The following TRMT13 variants were observed in gnomAD, a reference collection of about 807,000 sequenced individuals.
TRMT13 encodes tRNA:m(4)X modification enzyme TRM13 homolog.
A neutral mutation model predicts 55.9 loss-of-function variants in TRMT13; 45 were observed. The ratio of observed to expected loss-of-function variants is 0.80; its 90% confidence interval spans 0.63 to 1.03. The LOEUF is 1.03. Ranked by LOEUF, TRMT13 falls within the 50% of genes least tolerant of loss-of-function variation. The pLI, the probability that TRMT13 is intolerant of heterozygous loss-of-function variation, is 0.00. For synonymous variants in TRMT13, 183 were observed against 196.3 expected, an observed-to-expected ratio of 0.93 and a Z score of 0.57; for missense variants, 513 against 563.9, an observed-to-expected ratio of 0.91 and a Z score of 0.91.
chr1:100,138,462 A>C (rs1340731428), intron 3 of TRMT13, among the ~76,000 whole-genome samples: 1 of 152,178 alleles, frequency 6.6e-6, no homozygotes, highest in Non-Finnish European at 1.5e-5. Context: ...TTCCTGCAGT[A>C]AAACATTGTA....
chr1:100,140,719 A>G, intron 6 of TRMT13, 133 bp from the exon 7 acceptor site: 1 of 976,008 alleles, frequency 1.0e-6, no homozygotes, highest in Non-Finnish European at 1.5e-6. Context: ...TAAAGGCAAG[A>G]GAGAAAAATT....
chr1:100,140,057 C>G (rs904639723), intron 4 of TRMT13, 125 bp from the exon 5 acceptor site: 24 of 649,132 alleles, frequency 3.7e-5, no homozygotes, highest in Admixed American at 6.2e-5. Context: ...AGGGAAAAGG[C>G]TTGATAGAGA....
At chr1:100,147,643 C>T (rs1437746010) in intron 9 of TRMT13, among the ~76,000 whole-genome samples, 1 of 152,122 alleles carries the variant, frequency 6.6e-6, no homozygotes. Context: ...AATTGTAGAT[C>T]TTAAGCTTCA....
intron 9 of TRMT13, chr1:100,144,567 CAA>C (rs199980985): frequency 1.4e-5 from 2 of 139,370 alleles, no homozygotes; most frequent in Admixed American, 7.2e-5. Context: ...AAATGTTAGA[CAA>C]AAAAAAAAAA....
rs148398212 is a variant in TRMT13, at chr1:100,140,888, C to A, written c.538C>A (p.Leu180Ile). The A allele has an allele frequency of 5.0e-4, 811 of 1,613,262 alleles. 9 individuals are homozygous for A. Among genetic ancestry groups the A allele is most frequent in the Non-Finnish European group, 1.0e-4 (120 of 1,179,666 alleles). The change falls in exon 7 of 11, where the codon CTT becomes ATT. Residue 180 changes from leucine to isoleucine, a missense_variant. By Grantham distance (5) the Leu-to-Ile change is conservative. Around this residue, in one of 3 missense-constraint regions of TRMT13, gnomAD observed 298 missense variants for 290.3 expected, o/e 1.03. Transcript: ENST00000370141. Reference sequence around the variant, plus strand: ...AGGTAACATTGAAAATTTAAAGTTACTTGGTCCAAGAAGATGCTTTGTTGA... The same window carrying A: ...AGGTAACATTGAAAATTTAAAGTTAATTGGTCCAAGAAGATGCTTTGTTGA... Reference protein sequence around the residue: ...ILGNIENLKLLGPRRCFVEFG... With the variant: ...ILGNIENLKLIGPRRCFVEFG...
chr1:100,144,494 CT>C (rs1188153401), intron 9 of TRMT13: 1 of 157,854 alleles, frequency 6.3e-6, no homozygotes, highest in Non-Finnish European at 1.4e-5. Context: ...TTAGAAAGAA[CT>C]CAGAAACCTC....
chr1:100,148,788 A>G lies in TRMT13; in HGVS notation c.1414A>G (p.Asn472Asp), dbSNP rs1289109629. ...AAATGTTTTGTTAACTGCTTTACCAAATCATTCTTCATCACCAGAAACAAC... is the reference window on the plus strand; with the variant it reads ...AAATGTTTTGTTAACTGCTTTACCAGATCATTCTTCATCACCAGAAACAAC... ...LENVLLTALP[N>D]HSSSPETTA Residue 472 changes from asparagine to aspartate, a missense_variant, in exon 11 of 11, where the codon AAT becomes GAT. Transcript: ENST00000370141. The G allele has an allele frequency of 1.0e-5, 16 of 1,526,376 alleles. No homozygotes were observed. Among genetic ancestry groups the G allele is most frequent in the Non-Finnish European group, 1.4e-5 (16 of 1,139,696 alleles). The allele number at this position is 1,526,376 out of a possible 1,614,324, so 94.6% of individuals were successfully genotyped here.
At chr1:100,147,749 ATAG>A in intron 9 of TRMT13, 142 bp from the exon 10 acceptor site, 2 of 673,522 alleles carry the variant, frequency 3.0e-6, no homozygotes, top group Non-Finnish European at 4.7e-6. Flanking sequence ...ATAATTCATG[ATAG>A]TATTATTACA....
chr1:100,145,119 G>T (rs1657075583), intron 9 of TRMT13, among the ~76,000 whole-genome samples: 1 of 152,146 alleles, frequency 6.6e-6, no homozygotes, highest in Admixed American at 6.6e-5. Flanking sequence ...GTAACATGCT[G>T]TACAGGTTTG....
At chr1:100,146,579 C>T (rs1332453884) in intron 9 of TRMT13, among the ~76,000 whole-genome samples, 1 of 152,022 alleles carries the variant, frequency 6.6e-6, no homozygotes, top group East Asian at 1.9e-4. Flanking sequence ...AATCTCGGCT[C>T]ACTGCAACCT....
chr1:100,141,502 T>A (rs559985534), intron 7 of TRMT13, among the ~76,000 whole-genome samples: 2 of 152,272 alleles, frequency 1.3e-5, no homozygotes, highest in South Asian at 2.1e-4. Context: ...GGTAATTTTT[T>A]AAAATTTTTT....
Position 100,140,889 on chromosome 1 carries a change from T to C in TRMT13, c.539T>C (p.Leu180Pro). 1 of 1,613,484 alleles carries C rather than the reference T, an allele frequency of 6.2e-7. No homozygotes were observed. The highest frequency in any genetic ancestry group is 8.5e-7 in the Non-Finnish European group (1 of 1,179,690). Residue 180 changes from leucine to proline, a missense_variant, in exon 7 of 11, where the codon CTT becomes CCT. By Grantham distance (98) the Leu-to-Pro change is moderately conservative. This residue lies in a region of TRMT13 where 298 missense variants were observed against 290.3 expected (regional missense o/e 1.03). Coordinates refer to ENST00000370141, the MANE Select transcript of TRMT13 (RefSeq NM_019083.3). ...ILGNIENLKL[L>P]GPRRCFVEFG... is the part of the protein sequence containing the mutation. ...GGTAACATTGAAAATTTAAAGTTACTTGGTCCAAGAAGATGCTTTGTTGAG... is the reference window on the plus strand; with the variant it reads ...GGTAACATTGAAAATTTAAAGTTACCTGGTCCAAGAAGATGCTTTGTTGAG...
chr1:100,147,858 A>G (rs1229841476), intron 9 of TRMT13, 36 bp from the exon 10 acceptor site: 2 of 1,528,704 alleles, frequency 1.3e-6, no homozygotes, highest in African/African-American at 2.8e-5. Context: ...TTTAAAGATG[A>G]TGTGGTTTGG....
Position 100,136,905 on chromosome 1 carries a change from C to T in TRMT13, c.171C>T (p.Ile57=), listed in dbSNP as rs1655944174. The change falls in exon 2 of 11, where the codon ATC becomes ATT. Residue 57 remains isoleucine (I), a synonymous_variant. Coordinates refer to ENST00000370141, the MANE Select transcript of TRMT13 (RefSeq NM_019083.3). ...AGGAAGAAGATGCTCGGAAAAGAAT[C>T]CTGTGTCCTTTAGATCCAAAACAGT... ...AAEEEDARKR[I]LCPLDPKHTV... 6.2e-7 allele frequency: 1 copy of T among 1,600,990 alleles called. No homozygotes were observed. The highest frequency in any genetic ancestry group is 1.3e-5 in the African/African-American group (1 of 74,108).
At chr1:100,138,114 G>A (rs1385718984) in intron 3 of TRMT13, among the ~76,000 whole-genome samples, 3 of 152,152 alleles carry the variant, frequency 2.0e-5, no homozygotes, top group Non-Finnish European at 4.4e-5. Context: ...GGAGAAAAGC[G>A]GTGGAATGAT....
At position 100,149,087 on chromosome 1, in the gene TRMT13, G is replaced by T; in HGVS notation, c.*267G>T. 6.2e-7 allele frequency: 1 copy of T among 1,601,648 alleles called. No individual in the cohort carries two copies. Among genetic ancestry groups the T allele is most frequent in the South Asian group, 1.1e-5 (1 of 88,210 alleles). ...AGATTGGTAAAGTAGTTGAACCGTT[G>T]ACTTGGTGATCTGAAACATACATAA... On this transcript the variant is annotated 3_prime_UTR_variant, in exon 11 of 11. Transcript: ENST00000370141.
chr1:100,140,197 C>G lies in TRMT13; in HGVS notation c.340C>G (p.Leu114Val), dbSNP rs759893086. ...IPEQLVPISS[L>V]SEEQLEKLIK... The stretch of plus-strand genomic sequence containing the variant: ...TTGTATATAGGTTCCAATTTCTTCT[C>G]TATCTGAAGAGCAGTTGGAAAAGTT... Residue 114 changes from leucine (L) to valine (V), a missense_variant, in exon 5 of 11, where the codon CTA (leucine) becomes GTA (valine). Coordinates refer to ENST00000370141, the MANE Select transcript of TRMT13 (RefSeq NM_019083.3). 1.1e-5 allele frequency: 17 copies of G among 1,610,642 alleles called. No homozygotes were observed. In the East Asian group the frequency reaches 3.6e-4, roughly 34 times the overall value.
At chr1:100,140,557 A>G (rs757434500) in intron 6 of TRMT13, 43 bp downstream of exon 6, 1 of 1,376,616 alleles carries the variant, frequency 7.3e-7, no homozygotes, top group Non-Finnish European at 1.0e-6. Context: ...GCCTTTGTTC[A>G]TTTGTTAAAA....
In TRMT13 at chr1:100,140,995, G is replaced by A. The variant is rs140975434; in HGVS notation, c.645G>A (p.Val215=). 6.2e-7 allele frequency: 1 copy of A among 1,612,358 alleles called. No individual in the cohort carries two copies. Among genetic ancestry groups the A allele is most frequent in the South Asian group, 1.1e-5 (1 of 90,840 alleles). ...CTGAAAAAGTTCACTTCATCCTAGT[G>A]GAAAAGGTGACCACAAGATTCAAGG... The part of the protein sequence containing the change: ...KDAEKVHFIL[V]EKVTTRFKVD... Residue 215 remains valine (V), a synonymous_variant, in exon 7 of 11, where the codon GTG becomes GTA. Transcript: ENST00000370141.
Sources: allele counts gnomAD v4.1 joint callset (sites outside exome capture counted in the v4.1 genomes callset), GRCh38; gene constraint gnomAD v4.1.1; regional missense constraint gnomAD v4.1.1; transcripts MANE v1.5; gene names NCBI Gene and HGNC (gene_info 2026-07-23, HGNC 2026-07-21).